The following SPAG17 variants were observed in gnomAD, a reference collection of about 807,000 sequenced individuals.
SPAG17 encodes the protein sperm-associated antigen 17.
SPAG17 carries 169 observed loss-of-function variants against 273.6 expected under a neutral mutation model. The observed-to-expected ratio is 0.62, with a 90% CI of 0.55 to 0.70. The LOEUF (loss-of-function observed/expected upper bound fraction) is 0.70. Among genes scored for constraint, SPAG17 ranks in the 30% least tolerant of loss-of-function variants. The pLI is 0.00. For synonymous variants in SPAG17, 825 were observed against 873.2 expected (o/e 0.94, Z 0.97); for missense variants, 2,557 against 2,627.8 (o/e 0.97, Z 0.59).
chr1:118,163,975 T>C (rs1660047109), intron 1 of SPAG17, among the ~76,000 whole-genome samples: 1 of 152,212 alleles, frequency 6.6e-6, no homozygotes, highest in African/African-American at 2.4e-5. Flanking sequence ...TGCCATTTTG[T>C]GACCTTCTCT....
intron 31 of SPAG17, among the ~76,000 whole-genome samples, chr1:118,006,081 A>C (rs1658846059): frequency 6.6e-6 from 1 of 152,198 alleles, no homozygotes; most frequent in Non-Finnish European, 1.5e-5. Flanking sequence ...CATGTAATGA[A>C]TTCTGGTTCA....
chr1:118,055,689 G>A (rs368461781), intron 19 of SPAG17, 44 bp downstream of exon 19: 20 of 1,426,516 alleles, frequency 1.4e-5, no homozygotes, highest in South Asian at 2.5e-5. Context: ...AGAGAAGAAC[G>A]TTCTTGAATT....
intron 1 of SPAG17, among the ~76,000 whole-genome samples, chr1:118,165,938 C>T (rs1318423339): frequency 3.3e-5 from 5 of 152,270 alleles, no homozygotes; most frequent in African/African-American, 7.2e-5. Flanking sequence ...CCACCGCACC[C>T]GGCCGAAATC....
chr1:118,158,367 C>T (rs180891689), intron 1 of SPAG17, among the ~76,000 whole-genome samples: 92 of 152,276 alleles, frequency 6.0e-4, no homozygotes, highest in Non-Finnish European at 1.2e-3. Context: ...AGATGATCAC[C>T]TCTGAGGTGG....
At chr1:118,155,828 T>A (rs1010011409) in intron 1 of SPAG17, among the ~76,000 whole-genome samples, 1 of 152,226 alleles carries the variant, frequency 6.6e-6, no homozygotes, top group African/African-American at 2.4e-5. Flanking sequence ...GATTTGTGAA[T>A]GTCTTTCTCA....
intron 4 of SPAG17, among the ~76,000 whole-genome samples, chr1:118,109,383 TAAA>T (rs56023474): frequency 8.6e-6 from 1 of 116,210 alleles, no homozygotes; most frequent in Non-Finnish European, 1.7e-5. Flanking sequence ...CCATCTTTAC[TAAA>T]AAAAAAAAAA....
At chr1:118,164,135 A>G (rs1035546125) in intron 1 of SPAG17, among the ~76,000 whole-genome samples, 3 of 152,172 alleles carry the variant, frequency 2.0e-5, no homozygotes, top group African/African-American at 7.2e-5. Flanking sequence ...CTTGGCACAT[A>G]TTAGCTATGG....
chr1:118,094,227 T>G (rs541376149), intron 7 of SPAG17, among the ~76,000 whole-genome samples: 1 of 152,222 alleles, frequency 6.6e-6, no homozygotes, highest in Admixed American at 6.5e-5. Context: ...AATTCTGGCA[T>G]AGAAATATGT....
intron 1 of SPAG17, among the ~76,000 whole-genome samples, chr1:118,180,885 A>T (rs1017913390): frequency 1.3e-5 from 2 of 152,028 alleles, no homozygotes; most frequent in African/African-American, 4.8e-5. Context: ...TTGTAATCTG[A>T]TTTGCAAATC....
rs1420016996 is a variant in SPAG17 at position 118,025,294 on chromosome 1, T to A, written c.3853A>T (p.Arg1285Trp). 7 of 1,613,672 alleles carry A rather than the reference T, an allele frequency of 4.3e-6. No homozygotes were observed. The African/African-American group carries it at 9.3e-5, about 22-fold the overall frequency. ...VMPPAEQEAS[R>W]VITSQGTVVK... ...ACAGTGCCTTGACTGGTGATAACCC[T>A]TGAAGCCTCCTGCTCTGCGGGTGGC... The change falls in exon 27 of 49, where the codon AGG (arginine) becomes TGG (tryptophan). Residue 1285 changes from arginine (R) to tryptophan (W), a missense_variant. Coordinates refer to ENST00000336338, the MANE Select transcript of SPAG17 (RefSeq NM_206996.4).
chr1:118,132,383 T>G (rs1002240092), intron 3 of SPAG17, among the ~76,000 whole-genome samples: 2 of 152,080 alleles, frequency 1.3e-5, no homozygotes, highest in Non-Finnish European at 2.9e-5. Context: ...GGGTGCCGGG[T>G]TGGGCTGGGG....
chr1:118,008,524 ATT>A (rs1557900216), intron 30 of SPAG17, among the ~76,000 whole-genome samples: 2 of 152,228 alleles, frequency 1.3e-5, no homozygotes, highest in Non-Finnish European at 2.9e-5. Context: ...GCACTCAGAT[ATT>A]CATCAATTAA....
At chr1:118,077,546 A>T (rs992911774) in intron 15 of SPAG17, among the ~76,000 whole-genome samples, 2 of 152,136 alleles carry the variant, frequency 1.3e-5, no homozygotes, top group African/African-American at 2.4e-5. Context: ...AAGAAAAAAA[A>T]ATGAAACAAA....
rs142325724 is a variant in SPAG17, at chr1:118,068,158, A to G, written c.2386-1259T>C. ...ATGGAGTGATATATATATAATATAT[A>G]TATATATAACATAATAATGTTAGAA... On this transcript the variant is annotated intron_variant, in intron 17 of 48. Transcript: ENST00000336338. Among the ~76,000 whole-genome samples, 824 of 150,398 alleles carry G rather than the reference A, an allele frequency of 5.5e-3. 6 individuals carry two copies. The highest frequency in any genetic ancestry group is 0.019 in the African/African-American group (788 of 41,214).
intron 3 of SPAG17, among the ~76,000 whole-genome samples, chr1:118,117,534 T>C (rs1657157977): frequency 6.6e-6 from 1 of 152,194 alleles, no homozygotes. Context: ...TGGCACAGCA[T>C]CAAAGTAACA....
intron 32 of SPAG17, among the ~76,000 whole-genome samples, chr1:118,001,736 G>A (rs574230905): frequency 1.6e-4 from 25 of 152,078 alleles, no homozygotes; most frequent in African/African-American, 5.8e-4. Flanking sequence ...TCTTCCTAAT[G>A]GTCTATCAAT....
At chr1:117,983,754 T>C in intron 42 of SPAG17, 57 bp downstream of exon 42, 1 of 1,190,090 alleles carries the variant, frequency 8.4e-7, no homozygotes, top group Non-Finnish European at 1.2e-6. Flanking sequence ...AGGCCACTGT[T>C]AGGTATTATT....
chr1:118,157,535 T>C (rs1461208760), intron 1 of SPAG17, among the ~76,000 whole-genome samples: 3 of 152,076 alleles, frequency 2.0e-5, no homozygotes, highest in Admixed American at 6.6e-5. Context: ...ACTTCCCCAC[T>C]CAGGCATCTG....
At chr1:118,138,174 C>A (rs1405680672) in intron 3 of SPAG17, among the ~76,000 whole-genome samples, 1 of 152,152 alleles carries the variant, frequency 6.6e-6, no homozygotes, top group Non-Finnish European at 1.5e-5. Flanking sequence ...TCAATTATAA[C>A]CACGGCTTAA....
Sources: allele counts gnomAD v4.1 joint callset (sites outside exome capture counted in the v4.1 genomes callset), GRCh38; gene constraint gnomAD v4.1.1; transcripts MANE v1.5; gene names NCBI Gene and HGNC (gene_info 2026-07-23, HGNC 2026-07-21).